The following DMXL1 variants were observed in gnomAD, a reference collection of about 807,000 sequenced individuals.
DMXL1 encodes Dmx like 1, also known as dmX-like protein 1.
DMXL1 carries 99 observed loss-of-function variants against 319.2 expected under a neutral mutation model. The ratio of observed to expected loss-of-function variants is 0.31; its 90% confidence interval spans 0.26 to 0.37. The LOEUF is 0.37. Among genes scored for constraint, DMXL1 ranks in the 10% least tolerant of loss-of-function variants. The pLI is 1.00. For missense variants in DMXL1, 3,745 were observed against 3,595.6 expected (o/e 1.04, Z -1.06); for synonymous variants, 1,385 against 1,235.2 (o/e 1.12, Z -2.54).
At chr5:119,132,513 T>A (rs1765141847) in intron 10 of DMXL1, 2 of 251,384 alleles carry the variant, frequency 8.0e-6, no homozygotes, top group East Asian at 1.1e-4. Context: ...ACCCCGTCTC[T>A]ACTAAAAAGT....
chr5:119,180,276 A>G (rs1484843341), intron 28 of DMXL1, among the ~76,000 whole-genome samples: 2 of 152,200 alleles, frequency 1.3e-5, no homozygotes, highest in Non-Finnish European at 2.9e-5. Flanking sequence ...TATAAGTGGC[A>G]TCAGAGGGAT....
At chr5:119,087,486 T>C (rs375361127) in intron 1 of DMXL1, among the ~76,000 whole-genome samples, 1 of 152,358 alleles carries the variant, frequency 6.6e-6, no homozygotes, top group South Asian at 2.1e-4. Context: ...TCTTACTGAT[T>C]TCTAGTTTTA....
Position 119,150,177 on chromosome 5 carries a change from A to G in DMXL1, c.4350A>G (p.Gln1450=), listed in dbSNP as rs537487438. The G allele has an allele frequency of 9.9e-6, 16 of 1,613,820 alleles. No individual in the cohort carries two copies. Among genetic ancestry groups the G allele is most frequent in the African/African-American group, 9.3e-5 (7 of 75,008 alleles). The stretch of plus-strand genomic sequence containing the variant: ...GTTATGATGAGCTTTTTCAGACTCA[A>G]CTTCTAATGACTGATACTCATATGT... The part of the protein sequence containing the change: ...KESYDELFQT[Q]LLMTDTHMLE... Residue 1450 remains glutamine (Q), a synonymous_variant, in exon 18 of 44, where the codon CAA becomes CAG. Transcript: ENST00000539542.
At chr5:119,130,080 A>T (rs1161755315) in intron 10 of DMXL1, among the ~76,000 whole-genome samples, 3 of 152,148 alleles carry the variant, frequency 2.0e-5, no homozygotes, top group African/African-American at 7.2e-5. Flanking sequence ...GTGGTTCATA[A>T]ATGTGTTTGG....
chr5:119,093,109 C>T (rs1755158745), intron 1 of DMXL1, among the ~76,000 whole-genome samples: 1 of 151,892 alleles, frequency 6.6e-6, no homozygotes, highest in South Asian at 2.1e-4. Context: ...AATCTGTCAG[C>T]ACTATTTTTC....
intron 35 of DMXL1, among the ~76,000 whole-genome samples, chr5:119,220,150 A>G (rs950079271): frequency 6.6e-6 from 1 of 151,932 alleles, no homozygotes; most frequent in Non-Finnish European, 1.5e-5. Flanking sequence ...CTTTTTCAGC[A>G]TCTTCCTCCA....
intron 1 of DMXL1, among the ~76,000 whole-genome samples, chr5:119,094,160 G>A: frequency 6.6e-6 from 1 of 152,232 alleles, no homozygotes; most frequent in East Asian, 1.9e-4. Context: ...GTTGGAAGAA[G>A]ATGCCATCTA....
rs76147236 is a variant in DMXL1, at chr5:119,092,188, C to T, written c.88-5791C>T. Among the ~76,000 whole-genome samples, 309 of 152,274 alleles carry T rather than the reference C, an allele frequency of 2.0e-3. 9 individuals are homozygous for T. The highest frequency in any genetic ancestry group is 2.6e-3 in the Non-Finnish European group (177 of 68,022). On this transcript the variant is annotated intron_variant, in intron 1 of 43. Transcript: ENST00000539542. ...TTTTTCATTCCTGTGGCCCCAGGAA[C>T]TGTCTTGTCTTCATATGTGAGTTCT...
At chr5:119,101,833 G>A in intron 2 of DMXL1, 102 bp from the exon 3 acceptor site, 2 of 735,500 alleles carry the variant, frequency 2.7e-6, no homozygotes, top group South Asian at 1.7e-5. Flanking sequence ...ATGAAATTGT[G>A]TGTATTGGCA....
chr5:119,168,053 T>C (rs1457016501), intron 23 of DMXL1, among the ~76,000 whole-genome samples, 189 bp downstream of exon 23: 1 of 152,210 alleles, frequency 6.6e-6, no homozygotes, highest in African/African-American at 2.4e-5. Context: ...GAACGTTGGA[T>C]TTTCTGTTTT....
chr5:119,203,521 A>G, intron 33 of DMXL1, 85 bp downstream of exon 33: 1 of 783,328 alleles, frequency 1.3e-6, no homozygotes, highest in Non-Finnish European at 1.9e-6. Flanking sequence ...GTTGTATTTT[A>G]CAGATTTTTT....
intron 28 of DMXL1, among the ~76,000 whole-genome samples, chr5:119,180,916 G>T (rs1023408261): frequency 6.6e-6 from 1 of 152,074 alleles, no homozygotes; most frequent in South Asian, 2.1e-4. Context: ...ATAAATTATT[G>T]CTAAGGAATG....
At chr5:119,164,096 G>GTTTT (rs746909307) in intron 19 of DMXL1, among the ~76,000 whole-genome samples, 2 of 146,124 alleles carry the variant, frequency 1.4e-5, no homozygotes, top group African/African-American at 5.0e-5. Context: ...CTTGCTTGAT[G>GTTTT]TTTTTTTTTT....
intron 9 of DMXL1, among the ~76,000 whole-genome samples, chr5:119,126,234 G>C (rs1210252377): frequency 6.6e-6 from 1 of 152,138 alleles, no homozygotes; most frequent in Admixed American, 6.6e-5. Flanking sequence ...AGTGAGCTGA[G>C]ATTGCGCCAT....
At chr5:119,164,928 G>C (rs903227447) in intron 20 of DMXL1, among the ~76,000 whole-genome samples, 15 of 141,110 alleles carry the variant, frequency 1.1e-4, no homozygotes, top group Admixed American at 4.9e-4. Context: ...TAATATATAT[G>C]TTTAGAAAAA....
At chr5:119,113,245 G>T (rs1760067132) in intron 5 of DMXL1, among the ~76,000 whole-genome samples, 1 of 150,948 alleles carries the variant, frequency 6.6e-6, no homozygotes, top group Non-Finnish European at 1.5e-5. Flanking sequence ...ACATATTTTT[G>T]TTGTTGTTGT....
chr5:119,166,791 G>A lies in DMXL1; in HGVS notation c.5136+10G>A, dbSNP rs1773523408. On this transcript the variant is annotated intron_variant, in intron 22 of 43. Transcript: ENST00000539542. ...CAGAGATGCAATTGAGGTAATGAGT[G>A]AAATTTAAATAACAAAGTATAGCAA... The A allele has an allele frequency of 4.4e-6, 7 of 1,591,828 alleles. No individual in the cohort carries two copies. The East Asian group carries it at 1.4e-4, about 31-fold the overall frequency.
intron 14 of DMXL1, among the ~76,000 whole-genome samples, 167 bp from the exon 15 acceptor site, chr5:119,144,369 A>G (rs1486933858): frequency 6.6e-6 from 1 of 151,830 alleles, no homozygotes; most frequent in African/African-American, 2.4e-5. Context: ...AAATTTTTAT[A>G]TTCATCTGTT....
intron 1 of DMXL1, among the ~76,000 whole-genome samples, chr5:119,092,649 A>G (rs998768737): frequency 2.6e-5 from 4 of 151,940 alleles, no homozygotes; most frequent in East Asian, 1.9e-4. Flanking sequence ...ATCACTGTCT[A>G]TTTGCCACTA....
Sources: allele counts gnomAD v4.1 joint callset (sites outside exome capture counted in the v4.1 genomes callset), GRCh38; gene constraint gnomAD v4.1.1; transcripts MANE v1.5; gene names NCBI Gene and HGNC (gene_info 2026-07-23, HGNC 2026-07-21).